ALMS1: variants seen among roughly 807,000 people sequenced by gnomAD.
The protein encoded by ALMS1 is centrosome-associated protein ALMS1.
Under a neutral mutation model 352.2 loss-of-function variants are expected in ALMS1, and 271 were observed. The observed-to-expected ratio is 0.77, with a 90% CI of 0.70 to 0.85. The LOEUF is 0.85. Among genes scored for constraint, ALMS1 ranks in the 40% least tolerant of loss-of-function variants. The probability of loss-of-function intolerance (pLI) is 0.00; values close to 1 mark genes in which losing one functional copy is unlikely to be tolerated. For missense variants in ALMS1, 5,445 were observed against 4,870.7 expected (o/e 1.12, Z -3.51); for synonymous variants, 1,865 against 1,761.2 (o/e 1.06, Z -1.48).
Position 73,573,160 on chromosome 2 carries a change from C to A in ALMS1, c.11283C>A (p.Val3761=). Residue 3761 remains valine, a synonymous_variant, in exon 16 of 23, where the codon GTC becomes GTA. Transcript: ENST00000613296. ...TCCTTTCCGGCACCACTTCTACTGT[C>A]GAATCAGATATATTGACCCAAACAG... ...TNILSGTTST[V]ESDILTQTDR... 1 of 1,613,562 alleles carries A rather than the reference C, an allele frequency of 6.2e-7. No individual in the cohort carries two copies. The highest frequency in any genetic ancestry group is 8.5e-7 in the Non-Finnish European group (1 of 1,179,872).
chr2:73,496,480 C>T (rs768576923), intron 10 of ALMS1, among the ~76,000 whole-genome samples: 1 of 152,134 alleles, frequency 6.6e-6, no homozygotes, highest in Non-Finnish European at 1.5e-5. Flanking sequence ...TTTATCCATT[C>T]ACTCACTGAA....
chr2:73,603,639 C>T (rs1369775677), intron 21 of ALMS1: 1 of 339,124 alleles, frequency 2.9e-6, no homozygotes, highest in Non-Finnish European at 5.7e-6. Context: ...GTGTGCAGAT[C>T]ACATGAGGTT....
intron 11 of ALMS1, among the ~76,000 whole-genome samples, chr2:73,534,411 C>T (rs534222503): frequency 6.6e-5 from 10 of 152,086 alleles, no homozygotes; most frequent in East Asian, 1.9e-4. Flanking sequence ...GGTTAGGGTT[C>T]GATGTAAGAT....
In ALMS1 at chr2:73,595,325, ATCCTTGT is replaced by A. The variant is rs561109883; in HGVS notation, c.11548-4072_11548-4066del. 2.6e-5 allele frequency among the ~76,000 whole-genome samples: 4 copies of A among 152,314 alleles called. No homozygotes were observed. In the East Asian group the frequency reaches 7.7e-4, roughly 29 times the overall value. On this transcript the variant is annotated intron_variant, in intron 16 of 22. Coordinates refer to ENST00000613296, the MANE Select transcript of ALMS1 (RefSeq NM_001378454.1). ...GTGCCCTTGTACCTCTTTGCAGTCAATCCTTGTTCCCAGCCCCAGGCAACCTCTCATC... is the reference window on the plus strand; with the variant it reads ...GTGCCCTTGTACCTCTTTGCAGTCAATCCCAGCCCCAGGCAACCTCTCATC...
In ALMS1 at chr2:73,452,751, C is replaced by T. The variant is rs755304222; in HGVS notation, c.6224C>T (p.Ser2075Leu). 2.5e-6 allele frequency: 4 copies of T among 1,613,408 alleles called. No homozygotes were observed. Among genetic ancestry groups the T allele is most frequent in the Non-Finnish European group, 2.5e-6 (3 of 1,179,900 alleles). Residue 2075 changes from serine (S) to leucine (L), a missense_variant, in exon 8 of 23, where the codon TCA (serine) becomes TTA (leucine). Physicochemically the swap from Ser to Leu is moderately radical, Grantham distance 145 (BLOSUM62 -2). Transcript: ENST00000613296. ...CAAAGTAAAGGTATTCTAAAGATTTCAGCTGTCCCTGAACTAACTGATGTG... is the reference window on the plus strand; with the variant it reads ...CAAAGTAAAGGTATTCTAAAGATTTTAGCTGTCCCTGAACTAACTGATGTG... The part of the protein sequence containing the change: ...RDQSKGILKI[S>L]AVPELTDVNT...
At chr2:73,597,048 C>A (rs1052642045) in intron 16 of ALMS1, among the ~76,000 whole-genome samples, 3 of 151,950 alleles carry the variant, frequency 2.0e-5, no homozygotes, top group Non-Finnish European at 4.4e-5. Flanking sequence ...TTTGAGACTT[C>A]CAATCCATGT....
chr2:73,606,193 A>T (rs1297805331), intron 21 of ALMS1, among the ~76,000 whole-genome samples: 2 of 152,232 alleles, frequency 1.3e-5, no homozygotes, highest in Non-Finnish European at 2.9e-5. Flanking sequence ...AGCCTGTCAC[A>T]GGCTTATTGT....
At chr2:73,440,493 G>A (rs917811318) in intron 7 of ALMS1, among the ~76,000 whole-genome samples, 4 of 150,692 alleles carry the variant, frequency 2.7e-5, no homozygotes, top group African/African-American at 7.3e-5. Flanking sequence ...TCTCTCTCTC[G>A]GCTCACTGAA....
chr2:73,386,679 C>T (rs1025185222), intron 1 of ALMS1, among the ~76,000 whole-genome samples: 1 of 152,078 alleles, frequency 6.6e-6, no homozygotes. Flanking sequence ...TTTTCCTCCC[C>T]TGGACCATCA....
chr2:73,551,200 C>T (rs1204340751), intron 13 of ALMS1, among the ~76,000 whole-genome samples: 1 of 152,032 alleles, frequency 6.6e-6, no homozygotes, highest in East Asian at 1.9e-4. Flanking sequence ...CACCAACATT[C>T]AAAACTAAGA....
At chr2:73,408,020 G>A (rs7580825) in intron 1 of ALMS1, among the ~76,000 whole-genome samples, 48,029 of 151,852 alleles carry the variant, frequency 0.32, 9,791 homozygotes, top group African/African-American at 0.58. Context: ...GTCCTTTATG[G>A]CATCTTCTTT....
At chr2:73,423,567 T>C (rs1881247) in intron 4 of ALMS1, among the ~76,000 whole-genome samples, 132,591 of 152,102 alleles carry the variant, frequency 0.87, 57,876 homozygotes, top group Admixed American at 0.92. Flanking sequence ...TGTTTTCTTC[T>C]TTTAGAATTG....
intron 9 of ALMS1, among the ~76,000 whole-genome samples, chr2:73,456,258 T>C (rs1399775179): frequency 3.9e-5 from 6 of 152,208 alleles, no homozygotes; most frequent in Non-Finnish European, 7.3e-5. Context: ...ACATATTCTT[T>C]TGAGAACTAG....
At chr2:73,563,956 G>A (rs974330895) in intron 15 of ALMS1, among the ~76,000 whole-genome samples, 1 of 151,804 alleles carries the variant, frequency 6.6e-6, no homozygotes, top group Non-Finnish European at 1.5e-5. Context: ...ATGACAGATC[G>A]TGGAGATGAA....
At chr2:73,482,946 G>A (rs1466838093) in intron 9 of ALMS1, among the ~76,000 whole-genome samples, 1 of 152,184 alleles carries the variant, frequency 6.6e-6, no homozygotes, top group Non-Finnish European at 1.5e-5. Flanking sequence ...ATTTTTAATT[G>A]TGTCTATTTG....
chr2:73,551,134 C>T (rs1674422918), intron 13 of ALMS1, among the ~76,000 whole-genome samples: 1 of 152,182 alleles, frequency 6.6e-6, no homozygotes, highest in Non-Finnish European at 1.5e-5. Context: ...GCTGAGATTA[C>T]AGGCATGAAC....
At position 73,423,091 on chromosome 2, in the gene ALMS1, C is replaced by T. The variant is rs141583922; in HGVS notation, c.764+117C>T. 5,584 of 886,870 alleles carry T rather than the reference C, an allele frequency of 6.3e-3. 41 individuals carry two copies. Among genetic ancestry groups the T allele is most frequent in the Non-Finnish European group, 7.0e-3 (3,730 of 531,626 alleles). 54.9% of individuals were successfully genotyped at this position (886,870 alleles called of 1,614,324 possible). A position where few individuals can be genotyped will look rare whatever the true frequency, so the allele number is the denominator to read the frequency against. On this transcript the variant is annotated intron_variant, in intron 4 of 22. Transcript: ENST00000613296. The stretch of plus-strand genomic sequence containing the variant: ...GTGGGGCTTAGATACTCTTAGGACA[C>T]GCCCTGAAGGTAACAAAGTCCTGTA...
chr2:73,550,439 TA>T lies in ALMS1; in HGVS notation c.10078+4del. The T allele has an allele frequency of 6.2e-7, 1 of 1,614,100 alleles. No individual in the cohort carries two copies. Among genetic ancestry groups the T allele is most frequent in the Non-Finnish European group, 8.5e-7 (1 of 1,179,972 alleles). ...AACCCTTGCAGAATGAAAATGCAGG[TA>T]ACTGGATTGGCTTTGTATACTTTGT... On this transcript the variant is annotated splice_donor_region_variant and intron_variant, in intron 13 of 22. Transcript: ENST00000613296.
rs1052804740 is a variant in ALMS1, at chr2:73,490,554, A to G, written c.8595A>G (p.Val2865=). ...ACAGATCGAGTTCCAGACTAGGAGT[A>G]AAAGAGAAGAATGTAACTATAACTC... The part of the protein sequence containing the change: ...GVNRSSSRLG[V]KEKNVTITPD... The change falls in exon 10 of 23, where the codon GTA becomes GTG. Residue 2865 remains valine, a synonymous_variant. Coordinates refer to ENST00000613296, the MANE Select transcript of ALMS1 (RefSeq NM_001378454.1). 1.5e-5 allele frequency: 24 copies of G among 1,614,092 alleles called. No individual in the cohort carries two copies. In the Admixed American group the frequency reaches 2.8e-4, roughly 19 times the overall value.
Sources: allele counts gnomAD v4.1 joint callset (sites outside exome capture counted in the v4.1 genomes callset), GRCh38; gene constraint gnomAD v4.1.1; transcripts MANE v1.5; gene names NCBI Gene and HGNC (gene_info 2026-07-23, HGNC 2026-07-21).